CDH2: variants seen among roughly 807,000 people sequenced by gnomAD.
CDH2 encodes cadherin 2.
In CDH2, 17 loss-of-function variants were observed where a neutral mutation model predicts 92.0. That is an observed-to-expected ratio of 0.18 (90% confidence interval 0.13 to 0.28). The LOEUF is 0.28. Ranked by LOEUF, CDH2 falls within the 10% of genes least tolerant of loss-of-function variation. CDH2 has a pLI of 1.00. For synonymous variants in CDH2, 419 were observed against 415.9 expected (o/e 1.01, Z -0.09); for missense variants, 862 against 1,133.1 (o/e 0.76, Z 3.44).
chr18:27,992,418 A>ACAAAAC (rs1323911079), intron 9 of CDH2, among the ~76,000 whole-genome samples: 8 of 152,174 alleles, frequency 5.3e-5, no homozygotes, highest in Non-Finnish European at 1.2e-4. Context: ...AACTCTCATC[A>ACAAAAC]TAAAACTCAT....
intron 2 of CDH2, among the ~76,000 whole-genome samples, chr18:28,108,107 T>G (rs2015352424): frequency 6.6e-6 from 1 of 152,122 alleles, no homozygotes; most frequent in South Asian, 2.1e-4. Context: ...TCCTCTCTAT[T>G]TGATAGCCTG....
chr18:28,173,695 T>A (rs2144374879), intron 1 of CDH2, among the ~76,000 whole-genome samples: 1 of 152,260 alleles, frequency 6.6e-6, no homozygotes, highest in South Asian at 2.1e-4. Flanking sequence ...AGATGCCCCA[T>A]AACCCATACA....
chr18:28,018,784 G>C (rs2013324457), intron 2 of CDH2, among the ~76,000 whole-genome samples: 1 of 151,622 alleles, frequency 6.6e-6, no homozygotes, highest in African/African-American at 2.4e-5. Context: ...ACTAAAAGTA[G>C]ATCTACTATG....
In CDH2 at chr18:28,138,062, G is replaced by A. The variant is rs146797899; in HGVS notation, c.172+9611C>T. Among the ~76,000 whole-genome samples the A allele has an allele frequency of 2.4e-3, 371 of 151,904 alleles. 4 individuals carry two copies. Among genetic ancestry groups the A allele is most frequent in the African/African-American group, 8.8e-3 (363 of 41,452 alleles). On this transcript the variant is annotated intron_variant, in intron 2 of 15. Coordinates refer to ENST00000269141, the MANE Select transcript of CDH2 (RefSeq NM_001792.5). ...TGGATGTGTGTGTGTGTGTGTGAAG[G>A]TTTTACTCCATCAATTTGACAGCTT...
Position 27,992,693 on chromosome 18 carries a change from C to A in CDH2, c.1306G>T (p.Asp436Tyr). 6.2e-7 allele frequency: 1 copy of A among 1,613,484 alleles called. No homozygotes were observed. The highest frequency in any genetic ancestry group is 8.5e-7 in the Non-Finnish European group (1 of 1,179,716). Residue 436 changes from aspartate (D) to tyrosine (Y), a missense_variant, in exon 9 of 16, where the codon GAC becomes TAC. Transcript: ENST00000269141. ...DPTGRFAIQT[D>Y]PNSNDGLVTV... is the part of the protein sequence containing the mutation. ...ACTAACCCGTCGTTGCTGTTTGGGTCGGTCTGGATGGCGAACCGTCCAGTA... is the reference window on the plus strand; with the variant it reads ...ACTAACCCGTCGTTGCTGTTTGGGTAGGTCTGGATGGCGAACCGTCCAGTA...
intron 2 of CDH2, among the ~76,000 whole-genome samples, chr18:28,046,209 A>C (rs1184155422): frequency 1.3e-5 from 2 of 152,194 alleles, no homozygotes; most frequent in Non-Finnish European, 2.9e-5. Flanking sequence ...GCAGCACCAG[A>C]AAAAAAGCTA....
chr18:28,172,096 T>G (rs2016473621), intron 1 of CDH2, among the ~76,000 whole-genome samples: 1 of 151,848 alleles, frequency 6.6e-6, no homozygotes, highest in African/African-American at 2.4e-5. Flanking sequence ...TGTGTGTGTG[T>G]GTGTGTGCGT....
chr18:28,101,553 C>T (rs181386433), intron 2 of CDH2, among the ~76,000 whole-genome samples: 18 of 152,242 alleles, frequency 1.2e-4, no homozygotes, highest in Admixed American at 1.2e-3. Flanking sequence ...TAAACAAATA[C>T]ATCGTCACAC....
At chr18:28,094,323 C>CA (rs1023941531) in intron 2 of CDH2, among the ~76,000 whole-genome samples, 9 of 151,372 alleles carry the variant, frequency 5.9e-5, no homozygotes, top group South Asian at 2.1e-4. Context: ...TCTGTTTCTA[C>CA]AAAAAAATAC....
chr18:28,020,895 C>T (rs2013391666), intron 2 of CDH2, among the ~76,000 whole-genome samples: 1 of 151,996 alleles, frequency 6.6e-6, no homozygotes. Flanking sequence ...ACAGAGAAAC[C>T]AAGTACTGGG....
At chr18:28,114,501 T>C (rs1202257166) in intron 2 of CDH2, among the ~76,000 whole-genome samples, 1 of 152,130 alleles carries the variant, frequency 6.6e-6, no homozygotes, top group Non-Finnish European at 1.5e-5. Context: ...ATTCAATATT[T>C]TATATCTGGA....
chr18:27,946,494 A>G (rs1395544446), downstream of CDH2, among the ~76,000 whole-genome samples: 5 of 152,072 alleles, frequency 3.3e-5, no homozygotes, highest in East Asian at 1.9e-4. Flanking sequence ...ATGTTCAAAA[A>G]TAAGTGCAAT....
At chr18:27,995,603 T>C (rs1216105474) in intron 7 of CDH2, among the ~76,000 whole-genome samples, 1 of 152,212 alleles carries the variant, frequency 6.6e-6, no homozygotes, top group African/African-American at 2.4e-5. Flanking sequence ...AGGTATTACA[T>C]GAAAGTATAG....
Position 27,991,437 on chromosome 18 carries a change from GA to G in CDH2, c.1345-1088del, listed in dbSNP as rs560064097. Among the ~76,000 whole-genome samples, 9 of 152,028 alleles carry G rather than the reference GA, an allele frequency of 5.9e-5. No homozygotes were observed. The East Asian group carries it at 1.6e-3, about 26-fold the overall frequency. On this transcript the variant is annotated intron_variant, in intron 9 of 15. Transcript: ENST00000269141. Reference sequence around the variant, plus strand: ...TTTCTCTAGTATTTTAAGCAAGACAGAAAAAAAGCCAGAAAGTTAAGACTGC... The same window carrying G: ...TTTCTCTAGTATTTTAAGCAAGACAGAAAAAAGCCAGAAAGTTAAGACTGC...
intron 2 of CDH2, among the ~76,000 whole-genome samples, chr18:28,094,555 G>A (rs902107217): frequency 6.6e-6 from 1 of 151,768 alleles, no homozygotes; most frequent in Non-Finnish European, 1.5e-5. Flanking sequence ...AGCACTTTAG[G>A]AGGCTGAGGC....
chr18:28,152,587 G>C (rs1328763143), intron 1 of CDH2, among the ~76,000 whole-genome samples: 1 of 152,170 alleles, frequency 6.6e-6, no homozygotes, highest in Non-Finnish European at 1.5e-5. Flanking sequence ...GAATAACAAT[G>C]AGTTCAGTGT....
intron 15 of CDH2, among the ~76,000 whole-genome samples, chr18:27,952,897 A>G (rs936670841): frequency 4.6e-5 from 7 of 152,070 alleles, no homozygotes; most frequent in African/African-American, 1.7e-4. Context: ...GTTGTGGGGG[A>G]AAAAAATTCA....
chr18:28,060,943 C>A (rs2144145737), intron 2 of CDH2, among the ~76,000 whole-genome samples: 1 of 152,326 alleles, frequency 6.6e-6, no homozygotes, highest in Middle Eastern at 3.4e-3. Context: ...ACTTCTCATG[C>A]AAATTCATTT....
intron 6 of CDH2, among the ~76,000 whole-genome samples, chr18:27,933,470 C>T (rs1268408985): frequency 6.6e-6 from 1 of 152,008 alleles, no homozygotes; most frequent in Non-Finnish European, 1.5e-5. Context: ...ATGTATTATT[C>T]CTGAACCCCT....
Sources: gnomAD v4.1 joint callset for allele counts (sites outside exome capture counted in the v4.1 genomes callset) on GRCh38, gnomAD v4.1.1 for gene constraint, MANE v1.5 for transcripts, NCBI Gene and HGNC (gene_info 2026-07-23, HGNC 2026-07-21) for gene names.